C2CD2: variants seen among roughly 807,000 people sequenced by gnomAD.
C2CD2 encodes C2 calcium dependent domain containing 2.
Under a neutral mutation model 74.3 loss-of-function variants are expected in C2CD2, and 43 were observed. That is an observed-to-expected ratio of 0.58 (90% CI 0.45 to 0.75). The LOEUF (loss-of-function observed/expected upper bound fraction) is 0.75. Ranked by LOEUF, C2CD2 falls within the 30% of genes least tolerant of loss-of-function variation. The pLI is 0.00. For missense variants in C2CD2, 801 were observed against 916.3 expected, an observed-to-expected ratio of 0.87 and a Z score of 1.63; for synonymous variants, 422 against 390.7, an observed-to-expected ratio of 1.08 and a Z score of -0.94.
intron 1 of C2CD2, among the ~76,000 whole-genome samples, chr21:41,949,255 T>C (rs1157454525): frequency 2.0e-5 from 3 of 152,176 alleles, no homozygotes; most frequent in Non-Finnish European, 4.4e-5. Context: ...GGGGTGTAAC[T>C]GATTATCATG....
At chr21:41,941,152 C>G (rs1220626066) in intron 2 of C2CD2, among the ~76,000 whole-genome samples, 1 of 151,768 alleles carries the variant, frequency 6.6e-6, no homozygotes, top group Non-Finnish European at 1.5e-5. Context: ...AAGAGGAGGT[C>G]AAAACCAGCT....
At chr21:41,921,625 C>T (rs1490932379) in intron 3 of C2CD2, among the ~76,000 whole-genome samples, 1 of 152,180 alleles carries the variant, frequency 6.6e-6, no homozygotes, top group Non-Finnish European at 1.5e-5. Flanking sequence ...CAAGCTGCAA[C>T]CAGCGCTGGA....
At chr21:41,928,840 G>A (rs887705693) in intron 2 of C2CD2, among the ~76,000 whole-genome samples, 2 of 152,196 alleles carry the variant, frequency 1.3e-5, no homozygotes, top group African/African-American at 2.4e-5. Context: ...CCACACGATC[G>A]TCCAGTTCCG....
chr21:41,899,017 T>G lies in C2CD2; in HGVS notation c.1870+36A>C. 1 of 1,551,918 alleles carries G rather than the reference T, an allele frequency of 6.4e-7. No individual in the cohort carries two copies. Among genetic ancestry groups the G allele is most frequent in the Non-Finnish European group, 8.8e-7 (1 of 1,133,172 alleles). ...CCAGCATGAGCGCAAAGCCACCAAGTGGGGGGCCCGGGATGGGGGGCTCGG... is the reference window on the plus strand; with the variant it reads ...CCAGCATGAGCGCAAAGCCACCAAGGGGGGGGCCCGGGATGGGGGGCTCGG... On this transcript the variant is annotated intron_variant, in intron 13 of 13. Coordinates refer to ENST00000380486, the MANE Select transcript of C2CD2 (RefSeq NM_015500.2). This position sits in a 1 kb window ranked among gnomAD's most constrained non-coding sequence, Gnocchi z 4.4.
chr21:41,919,482 C>G (rs2065132208), intron 3 of C2CD2, among the ~76,000 whole-genome samples: 2 of 152,200 alleles, frequency 1.3e-5, no homozygotes, highest in South Asian at 4.1e-4. Context: ...GGTCGACAAC[C>G]AGATGCCATC....
At chr21:41,951,365 G>A (rs1195691355) in intron 1 of C2CD2, among the ~76,000 whole-genome samples, 3 of 47,118 alleles carry the variant, frequency 6.4e-5, no homozygotes, top group South Asian at 6.3e-4. Context: ...CCCCACCCCC[G>A]TCCCCAGGAA....
chr21:41,885,330 C>T lies in C2CD2; in HGVS notation c.*3794G>A, dbSNP rs1254705804. On this transcript the variant is annotated 3_prime_UTR_variant, in exon 14 of 14. Transcript: ENST00000380486. Reference sequence around the variant, plus strand: ...GTGGACCTGGAAAACCTGCCACTTTCTTCTCTTTTTACAATGCAGTTTCGA... The same window carrying T: ...GTGGACCTGGAAAACCTGCCACTTTTTTCTCTTTTTACAATGCAGTTTCGA... 1.3e-5 allele frequency: 2 copies of T among 152,508 alleles called. No homozygotes were observed. Among genetic ancestry groups the T allele is most frequent in the Admixed American group, 1.3e-4 (2 of 15,284 alleles). The allele number at this position is 152,508 out of a possible 1,614,324, so 9.4% of individuals were successfully genotyped here. A position where few individuals can be genotyped will look rare whatever the true frequency, so the allele number is the denominator to read the frequency against.
rs1004616915 is a variant in C2CD2 at position 41,899,231 on chromosome 21, C to T, written c.1692G>A (p.Glu564=). The change falls in exon 13 of 14, where the codon GAG becomes GAA. Residue 564 remains glutamate, a synonymous_variant. Transcript: ENST00000380486. This position sits in a 1 kb window ranked among gnomAD's most constrained non-coding sequence, Gnocchi z 4.4. Reference sequence around the variant, plus strand: ...TGGGGGCAAGGGATGCCTGGGCTGACTCGGCTTCCTCTGGCGGGGCAGAGG... The same window carrying T: ...TGGGGGCAAGGGATGCCTGGGCTGATTCGGCTTCCTCTGGCGGGGCAGAGG... The part of the protein sequence containing the change: ...AAASAPPEEA[E]SAQASLAPKP... The T allele has an allele frequency of 2.5e-6, 4 of 1,612,318 alleles. No homozygotes were observed. The highest frequency in any genetic ancestry group is 3.3e-5 in the Admixed American group (2 of 59,840).
chr21:41,897,810 G>T (rs867257865), intron 13 of C2CD2, among the ~76,000 whole-genome samples: 33 of 152,342 alleles, frequency 2.2e-4, no homozygotes, highest in African/African-American at 7.9e-4. Context: ...GCCCATGGCA[G>T]GCTGTGGGCT....
chr21:41,901,496 G>C (rs1210489700), intron 12 of C2CD2, 126 bp downstream of exon 12: 1 of 970,282 alleles, frequency 1.0e-6, no homozygotes, highest in East Asian at 2.4e-5. Context: ...AACATAATTT[G>C]ACATTTGTAA....
At chr21:41,930,048 C>T (rs1019146218) in intron 2 of C2CD2, among the ~76,000 whole-genome samples, 2 of 151,038 alleles carry the variant, frequency 1.3e-5, no homozygotes, top group East Asian at 1.9e-4. Flanking sequence ...CTTGCTTTGG[C>T]GCCTTATCTA....
rs185247591 is a variant in C2CD2 at position 41,892,294 on chromosome 21, G to A, written c.1871-2950C>T. On this transcript the variant is annotated intron_variant, in intron 13 of 13. Coordinates refer to ENST00000380486, the MANE Select transcript of C2CD2 (RefSeq NM_015500.2). This position sits in a 1 kb window ranked among gnomAD's most constrained non-coding sequence, Gnocchi z 4.6. ...AGCAGCTGTCAGGAGCTGGAGAGGC[G>A]GGAGCAGGCTCTCCCACAGGGCCTC... Among the ~76,000 whole-genome samples, 282 of 152,226 alleles carry A rather than the reference G, an allele frequency of 1.9e-3. 2 individuals carry two copies. The highest frequency in any genetic ancestry group is 5.0e-3 in the South Asian group (24 of 4,820).
At chr21:41,917,706 G>A (rs553699718) in intron 5 of C2CD2, among the ~76,000 whole-genome samples, 4 of 152,290 alleles carry the variant, frequency 2.6e-5, no homozygotes, top group African/African-American at 9.6e-5. Flanking sequence ...CAAGAGGCAG[G>A]AGCTGTTGCA....
rs375913748 is a variant in C2CD2 at position 41,924,230 on chromosome 21, G to A, written c.379-2145C>T. Among the ~76,000 whole-genome samples the A allele has an allele frequency of 1.3e-5, 2 of 152,158 alleles. No individual in the cohort carries two copies. Among genetic ancestry groups the A allele is most frequent in the Non-Finnish European group, 2.9e-5 (2 of 68,038 alleles). On this transcript the variant is annotated intron_variant, in intron 2 of 13. Coordinates refer to ENST00000380486, the MANE Select transcript of C2CD2 (RefSeq NM_015500.2). The surrounding 1 kb of genome is among the most constrained non-coding windows in gnomAD (Gnocchi z 4.4). ...TGTACTTTCTCATCTGCTGGCTCCT[G>A]GCCGCAGCCAAGCCCTGGGTCCAGC...
In C2CD2 at chr21:41,888,921, GT is replaced by G; in HGVS notation, c.*202del. 1.7e-6 allele frequency: 1 copy of G among 596,954 alleles called. No individual in the cohort carries two copies. Among genetic ancestry groups the G allele is most frequent in the Admixed American group, 2.9e-5 (1 of 33,916 alleles). The allele number at this position is 596,954 out of a possible 1,614,324, so 37.0% of individuals were successfully genotyped here. On this transcript the variant is annotated 3_prime_UTR_variant, in exon 14 of 14. Transcript: ENST00000380486. ...AGTCTCATTTAGCATCTGGTGGCAA[GT>G]TGGGCTTTTTTGTCCTCTCTGGGAG...
chr21:41,897,671 C>G (rs947154951), intron 13 of C2CD2, among the ~76,000 whole-genome samples: 1 of 152,290 alleles, frequency 6.6e-6, no homozygotes, highest in Admixed American at 6.5e-5. Flanking sequence ...TTTCCATTTC[C>G]CCCAACACCT....
At chr21:41,902,259 C>T (rs1045040170) in intron 11 of C2CD2, among the ~76,000 whole-genome samples, 3 of 152,128 alleles carry the variant, frequency 2.0e-5, no homozygotes, top group African/African-American at 7.2e-5. Flanking sequence ...ACTCCTTTTC[C>T]CTCCCAAGAG....
chr21:41,925,176 T>A (rs1416093531), intron 2 of C2CD2, among the ~76,000 whole-genome samples: 1 of 152,112 alleles, frequency 6.6e-6, no homozygotes, highest in Admixed American at 6.5e-5. Context: ...AGAATTTGGC[T>A]AGAAAAGTTA....
rs904025555 is a variant in C2CD2, at chr21:41,939,916, G to A, written c.378+2231C>T. Among the ~76,000 whole-genome samples the A allele has an allele frequency of 3.3e-5, 5 of 152,168 alleles. No homozygotes were observed. The highest frequency in any genetic ancestry group is 2.0e-4 in the Admixed American group (3 of 15,278). On this transcript the variant is annotated intron_variant, in intron 2 of 13. Transcript: ENST00000380486. The surrounding 1 kb of genome is among the most constrained non-coding windows in gnomAD (Gnocchi z 5.5). ...TCCTCCGGTGCTTGTCTGAGGAGTC[G>A]GGAGGCGGTGAACAGACACAATCGC...
Sources: gnomAD v4.1 joint callset for allele counts (sites outside exome capture counted in the v4.1 genomes callset) on GRCh38, gnomAD v4.1.1 for gene constraint, Gnocchi (gnomAD v3.1) non-coding constraint, MANE v1.5 for transcripts, NCBI Gene and HGNC (gene_info 2026-07-23, HGNC 2026-07-21) for gene names.